CACNA1C: variants seen among roughly 807,000 people sequenced by gnomAD.
CACNA1C encodes the protein voltage-dependent L-type calcium channel subunit alpha-1C.
Under a neutral mutation model 229.0 loss-of-function variants are expected in CACNA1C, and 30 were observed. That is an observed-to-expected ratio of 0.13 (90% CI 0.10 to 0.18). The LOEUF is 0.18. Among genes scored for constraint, CACNA1C ranks in the 10% least tolerant of loss-of-function variants. The pLI is 1.00. For synonymous variants in CACNA1C, 1,114 were observed against 1,132.5 expected (o/e 0.98, Z 0.33); for missense variants, 1,658 against 2,845.0 (o/e 0.58, Z 9.49).
At chr12:2,577,959 C>T (rs546997208) in intron 13 of CACNA1C, among the ~76,000 whole-genome samples, 133 of 151,468 alleles carry the variant, frequency 8.8e-4, no homozygotes, top group African/African-American at 3.2e-3. Flanking sequence ...AGCTCCGCCT[C>T]CCGGGTTCAC....
At chr12:2,156,585 G>C (rs1366296141) in intron 3 of CACNA1C, among the ~76,000 whole-genome samples, 1 of 152,148 alleles carries the variant, frequency 6.6e-6, no homozygotes, top group Non-Finnish European at 1.5e-5. Context: ...TTGCTTACAG[G>C]GCTTTGCTTT....
chr12:2,480,442 C>T (rs1434993374), intron 5 of CACNA1C, among the ~76,000 whole-genome samples: 1 of 152,214 alleles, frequency 6.6e-6, no homozygotes, highest in Admixed American at 6.5e-5. Context: ...TATTATACAT[C>T]AGTTGCATGA....
rs1392808786 is a variant in CACNA1C, at chr12:2,054,132, C to A, written c.49+521C>A. Among the ~76,000 whole-genome samples, 1 of 151,272 alleles carries A rather than the reference C, an allele frequency of 6.6e-6. No homozygotes were observed. Among genetic ancestry groups the A allele is most frequent in the South Asian group, 2.1e-4 (1 of 4,834 alleles). On this transcript the variant is annotated intron_variant, in intron 1 of 46. Transcript: ENST00000399655. This position sits in a 1 kb window ranked among gnomAD's most constrained non-coding sequence, Gnocchi z 5.5. ...TGCCCGGCGTCCACTCTCGTCCAGG[C>A]GCCCCTGCCCTGGGCGGCGCGCTCC...
At chr12:2,511,188 G>A (rs1313888489) in intron 8 of CACNA1C, among the ~76,000 whole-genome samples, 1 of 152,228 alleles carries the variant, frequency 6.6e-6, no homozygotes, top group African/African-American at 2.4e-5. Flanking sequence ...AGCAGTTGAA[G>A]AGAACTGGTT....
At chr12:2,022,988 C>T (rs898028959) in intron 1 of CACNA1C, among the ~76,000 whole-genome samples, 2 of 152,144 alleles carry the variant, frequency 1.3e-5, no homozygotes, top group Non-Finnish European at 2.9e-5. Flanking sequence ...CAGTCTCCCA[C>T]TGAGAAGGGC....
chr12:2,407,018 GCCT>G (rs1442904142), intron 3 of CACNA1C, among the ~76,000 whole-genome samples: 1 of 152,256 alleles, frequency 6.6e-6, no homozygotes, highest in African/African-American at 2.4e-5. Flanking sequence ...GTGAGGCAGG[GCCT>G]CCTCATTACT....
chr12:2,063,318 A>T (rs1387082266), intron 1 of CACNA1C, among the ~76,000 whole-genome samples: 1 of 151,912 alleles, frequency 6.6e-6, no homozygotes, highest in Non-Finnish European at 1.5e-5. Flanking sequence ...TGCCTGGCTT[A>T]TTTTTGTATT....
At chr12:2,273,805 G>A (rs939332969) in intron 3 of CACNA1C, among the ~76,000 whole-genome samples, 3 of 152,200 alleles carry the variant, frequency 2.0e-5, no homozygotes, top group Non-Finnish European at 4.4e-5. Flanking sequence ...CCCTGACCCC[G>A]GGCTTGGTTA....
intron 1 of CACNA1C, among the ~76,000 whole-genome samples, chr12:2,057,665 C>T (rs753088747): frequency 1.3e-5 from 2 of 152,336 alleles, no homozygotes; most frequent in South Asian, 2.1e-4. Flanking sequence ...CCCAGTCCGT[C>T]GCAGGCTCTT....
chr12:2,467,506 C>T lies in CACNA1C; in HGVS notation c.757+9800C>T, dbSNP rs772033837. Among the ~76,000 whole-genome samples, 35 of 152,272 alleles carry T rather than the reference C, an allele frequency of 2.3e-4. No individual in the cohort carries two copies. Among genetic ancestry groups the T allele is most frequent in the Middle Eastern group, 3.4e-3 (1 of 294 alleles). On this transcript the variant is annotated intron_variant, in intron 5 of 46. Transcript: ENST00000399655. The surrounding 1 kb of genome is among the most constrained non-coding windows in gnomAD (Gnocchi z 4.6). ...CCAGAAGGGAGGAAGCCCCAGGACC[C>T]GCTCCCCGCCTTCCCACCCAGGCAG...
At chr12:2,023,563 C>T (rs924078262) in intron 1 of CACNA1C, among the ~76,000 whole-genome samples, 14 of 152,170 alleles carry the variant, frequency 9.2e-5, no homozygotes, top group Non-Finnish European at 7.3e-5. Flanking sequence ...GGGCTCTCCT[C>T]ATTATTTCCT....
At chr12:2,544,029 T>C (rs1198945930) in intron 9 of CACNA1C, among the ~76,000 whole-genome samples, 2 of 152,130 alleles carry the variant, frequency 1.3e-5, no homozygotes, top group East Asian at 3.9e-4. Flanking sequence ...CCATTCATTA[T>C]GAGAGTCCCA....
intron 3 of CACNA1C, among the ~76,000 whole-genome samples, chr12:2,213,116 C>G (rs2154340218): frequency 6.6e-6 from 1 of 152,244 alleles, no homozygotes; most frequent in East Asian, 1.9e-4. Context: ...TAAATATTTT[C>G]CAGGAGAAAA....
At chr12:2,164,424 G>A (rs969179207) in intron 3 of CACNA1C, among the ~76,000 whole-genome samples, 6 of 152,218 alleles carry the variant, frequency 3.9e-5, no homozygotes, top group Admixed American at 6.5e-5. Flanking sequence ...GTCCATATCT[G>A]TAAAATGAGA....
At chr12:2,262,202 C>G (rs1013424397) in intron 3 of CACNA1C, among the ~76,000 whole-genome samples, 1 of 152,236 alleles carries the variant, frequency 6.6e-6, no homozygotes, top group African/African-American at 2.4e-5. Flanking sequence ...TGACTTGGTC[C>G]TCCCATCAGG....
intron 4 of CACNA1C, among the ~76,000 whole-genome samples, chr12:2,453,144 A>C (rs994803695): frequency 5.9e-5 from 9 of 152,130 alleles, no homozygotes; most frequent in African/African-American, 1.9e-4. Context: ...ATAGAAGGGA[A>C]GCTCCTCTGG....
Position 2,143,294 on chromosome 12 carries a change from G to A in CACNA1C, c.477+22864G>A, listed in dbSNP as rs893235592. 2.0e-5 allele frequency among the ~76,000 whole-genome samples: 3 copies of A among 151,012 alleles called. 1 individual carries two copies. Among genetic ancestry groups the A allele is most frequent in the Non-Finnish European group, 4.4e-5 (3 of 67,542 alleles). On this transcript the variant is annotated intron_variant, in intron 3 of 46. Coordinates refer to ENST00000399655, the MANE Select transcript of CACNA1C (RefSeq NM_000719.7). ...AGAAAATCTTTAAAATAAATGTAGT[G>A]TAGCCTAAGTGCACAATGTTTGTAA...
At chr12:2,412,324 G>A (rs530540944) in intron 3 of CACNA1C, among the ~76,000 whole-genome samples, 2 of 152,336 alleles carry the variant, frequency 1.3e-5, no homozygotes, top group South Asian at 2.1e-4. Context: ...TTAGAGAAAC[G>A]GGTCAGGCAG....
At chr12:2,637,383 A>T (rs1568971599) in intron 30 of CACNA1C, among the ~76,000 whole-genome samples, 1 of 152,150 alleles carries the variant, frequency 6.6e-6, no homozygotes, top group East Asian at 1.9e-4. Context: ...TCCAACCAAG[A>T]CCTTTTGGTT....
Sources: gnomAD v4.1 joint callset for allele counts (sites outside exome capture counted in the v4.1 genomes callset) on GRCh38, gnomAD v4.1.1 for gene constraint, Gnocchi (gnomAD v3.1) non-coding constraint, MANE v1.5 for transcripts, NCBI Gene and HGNC (gene_info 2026-07-23, HGNC 2026-07-21) for gene names.